Variants in SSH2 observed in about 807,000 individuals in gnomAD.
The protein encoded by SSH2 is slingshot protein phosphatase 2.
In SSH2, 37 loss-of-function variants were observed where a neutral mutation model predicts 135.2. That is an observed-to-expected ratio of 0.27 (90% confidence interval 0.21 to 0.36). SSH2 has a LOEUF of 0.36. Among genes scored for constraint, SSH2 ranks in the 10% least tolerant of loss-of-function variants. SSH2 has a pLI of 1.00. For synonymous variants in SSH2, 628 were observed against 646.2 expected, an observed-to-expected ratio of 0.97 and a Z score of 0.43; for missense variants, 1,408 against 1,765.3, an observed-to-expected ratio of 0.80 and a Z score of 3.63.
intron 7 of SSH2, among the ~76,000 whole-genome samples, chr17:29,677,460 C>A (rs919295930): frequency 6.6e-6 from 1 of 152,184 alleles, no homozygotes; most frequent in Non-Finnish European, 1.5e-5. Context: ...TTGATTCCTA[C>A]CACAGTCGGC....
chr17:29,925,397 A>G (rs1026405540), intron 1 of SSH2: 26 of 396,488 alleles, frequency 6.6e-5, no homozygotes, highest in Admixed American at 3.1e-4. Flanking sequence ...TATGGTTTCT[A>G]CAGTCAATAA....
At chr17:29,893,089 C>T (rs903945319) in intron 1 of SSH2, among the ~76,000 whole-genome samples, 7 of 152,190 alleles carry the variant, frequency 4.6e-5, no homozygotes, top group Middle Eastern at 3.4e-3. Flanking sequence ...GTTGATCTTA[C>T]GAAAGTCACT....
In SSH2 at chr17:29,636,434, G is replaced by C; in HGVS notation, c.1796C>G (p.Ala599Gly). Residue 599 changes from alanine (A) to glycine (G), a missense_variant, in exon 15 of 16, where the codon GCA (alanine) becomes GGA (glycine). Coordinates refer to ENST00000540801, the MANE Select transcript of SSH2 (RefSeq NM_001282129.2). ...ESKFPLDNCH[A>G]SKALIQPGHV... ...TCCAGGCTGAATTAAGGCTTTGGAT[G>C]CATGGCAATTGTCAAGAGGAAATTT... The C allele has an allele frequency of 1.2e-6, 2 of 1,614,222 alleles. No individual in the cohort carries two copies. Among genetic ancestry groups the C allele is most frequent in the South Asian group, 2.2e-5 (2 of 91,088 alleles).
Position 29,631,079 on chromosome 17 carries a change from T to C in SSH2, c.4115A>G (p.Gln1372Arg). Residue 1372 changes from glutamine (Q) to arginine (R), a missense_variant, in exon 16 of 16, where the codon CAG (glutamine) becomes CGG (arginine). Physicochemically the swap from Gln to Arg is conservative, Grantham distance 43. Coordinates refer to ENST00000540801, the MANE Select transcript of SSH2 (RefSeq NM_001282129.2). ...ACTAGAACCAAATTCTTTGGCATACTGCACAAGGGGCCTCTCCACTGGCTT... is the reference window on the plus strand; with the variant it reads ...ACTAGAACCAAATTCTTTGGCATACCGCACAAGGGGCCTCTCCACTGGCTT... ...QSKPVERPLVQYAKEFGSSQQ... is the reference protein window; with the variant it reads ...QSKPVERPLVRYAKEFGSSQQ... 6.2e-7 allele frequency: 1 copy of C among 1,614,226 alleles called. No homozygotes were observed. The highest frequency in any genetic ancestry group is 2.2e-5 in the East Asian group (1 of 44,890).
At chr17:29,696,651 AT>A (rs1446081523) in intron 4 of SSH2, among the ~76,000 whole-genome samples, 1 of 144,324 alleles carries the variant, frequency 6.9e-6, no homozygotes, top group Non-Finnish European at 1.5e-5. Flanking sequence ...ACACACACCT[AT>A]GTATGTATAT....
At chr17:29,632,977 A>C (rs1457259810) in intron 15 of SSH2, 46 bp from the exon 16 acceptor site, 1 of 1,507,156 alleles carries the variant, frequency 6.6e-7, no homozygotes, top group Non-Finnish European at 9.0e-7. Flanking sequence ...CTGTAGTCTA[A>C]TTGAAAATGC....
At chr17:29,814,116 G>A (rs1233809852) in intron 2 of SSH2, among the ~76,000 whole-genome samples, 21 of 89,434 alleles carry the variant, frequency 2.3e-4, no homozygotes, top group African/African-American at 8.5e-4. Flanking sequence ...GGGGACAAGA[G>A]TGAGACTTCG....
At chr17:29,713,322 G>A (rs2039507730) in intron 3 of SSH2, among the ~76,000 whole-genome samples, 1 of 152,120 alleles carries the variant, frequency 6.6e-6, no homozygotes, top group Admixed American at 6.5e-5. Flanking sequence ...GCAACAGAGC[G>A]AGACAGTGTC....
intron 2 of SSH2, among the ~76,000 whole-genome samples, chr17:29,834,710 A>T (rs2042914894): frequency 6.6e-6 from 1 of 152,066 alleles, no homozygotes; most frequent in Non-Finnish European, 1.5e-5. Context: ...GTGGTGTCAA[A>T]TTTTTTACAC....
chr17:29,644,536 C>T (rs576927458), intron 14 of SSH2, among the ~76,000 whole-genome samples: 2 of 152,126 alleles, frequency 1.3e-5, no homozygotes, highest in East Asian at 3.9e-4. Flanking sequence ...TGGCCAGGTG[C>T]GATGGCTCAC....
At chr17:29,814,710 T>C (rs983802919) in intron 2 of SSH2, among the ~76,000 whole-genome samples, 1 of 151,980 alleles carries the variant, frequency 6.6e-6, no homozygotes, top group African/African-American at 2.4e-5. Flanking sequence ...AGAACTTTAT[T>C]AAGCCATTAG....
At chr17:29,638,651 C>T (rs1160311028) in intron 14 of SSH2, among the ~76,000 whole-genome samples, 1 of 152,002 alleles carries the variant, frequency 6.6e-6, no homozygotes, top group African/African-American at 2.4e-5. Context: ...TCAGGTGATT[C>T]TCCTGCCTCA....
At chr17:29,745,658 T>C (rs1402805458) in intron 3 of SSH2, among the ~76,000 whole-genome samples, 3 of 152,216 alleles carry the variant, frequency 2.0e-5, no homozygotes, top group Non-Finnish European at 4.4e-5. Flanking sequence ...ATAGATGCAA[T>C]TTAGGATAAT....
chr17:29,694,075 AT>A (rs1176024419), intron 5 of SSH2, among the ~76,000 whole-genome samples: 7 of 144,356 alleles, frequency 4.8e-5, no homozygotes, highest in African/African-American at 2.1e-4. Flanking sequence ...TTCTGAAAAC[AT>A]TATGAGATAT....
At chr17:29,765,623 C>T (rs2041425813) in intron 3 of SSH2, among the ~76,000 whole-genome samples, 1 of 152,152 alleles carries the variant, frequency 6.6e-6, no homozygotes, top group Non-Finnish European at 1.5e-5. Flanking sequence ...TCAGAAGTTC[C>T]AGATTCTAGC....
intron 1 of SSH2, among the ~76,000 whole-genome samples, chr17:29,901,050 G>A (rs1271433251): frequency 2.0e-5 from 3 of 152,096 alleles, no homozygotes; most frequent in African/African-American, 7.2e-5. Flanking sequence ...AACACCGCAT[G>A]TTCTCACTCA....
intron 9 of SSH2, among the ~76,000 whole-genome samples, chr17:29,668,716 A>G (rs1393676425): frequency 6.6e-6 from 1 of 151,514 alleles, no homozygotes; most frequent in Non-Finnish European, 1.5e-5. Flanking sequence ...CAGCCTGGGT[A>G]ACGGAGCAAG....
At chr17:29,850,978 C>G (rs556898058) in intron 1 of SSH2, among the ~76,000 whole-genome samples, 106 of 152,190 alleles carry the variant, frequency 7.0e-4, no homozygotes, top group Admixed American at 1.5e-3. Context: ...GAGCGAGACT[C>G]CATCTCAAAA....
At chr17:29,728,485 A>G (rs189785049) in intron 3 of SSH2, among the ~76,000 whole-genome samples, 45 of 152,356 alleles carry the variant, frequency 3.0e-4, no homozygotes, top group Non-Finnish European at 5.4e-4. Context: ...AAAACAATCT[A>G]AAGATTCAAT....
Sources: gnomAD v4.1 joint callset for allele counts (sites outside exome capture counted in the v4.1 genomes callset) on GRCh38, gnomAD v4.1.1 for gene constraint, MANE v1.5 for transcripts, NCBI Gene and HGNC (gene_info 2026-07-23, HGNC 2026-07-21) for gene names.